Variants in TTC33 observed in about 807,000 individuals in gnomAD.
TTC33 encodes the protein tetratricopeptide repeat domain 33, also known as tetratricopeptide repeat protein 33.
In TTC33, 24 loss-of-function variants were observed where a neutral mutation model predicts 29.4. That is an observed-to-expected ratio of 0.82 (90% confidence interval 0.59 to 1.15). The LOEUF is 1.15. Among genes scored for constraint, TTC33 ranks in the 50% most tolerant of loss-of-function variants. The pLI, the probability that TTC33 is intolerant of heterozygous loss-of-function variation, is 0.00. For synonymous variants in TTC33, 107 were observed against 100.3 expected (o/e 1.07, Z -0.40); for missense variants, 286 against 310.4 (o/e 0.92, Z 0.59).
At chr5:40,721,287 T>G (rs950368953) in intron 4 of TTC33, among the ~76,000 whole-genome samples, 2 of 152,300 alleles carry the variant, frequency 1.3e-5, no homozygotes, top group Non-Finnish European at 2.9e-5. Context: ...GGGCACAAAG[T>G]AAATGGACAA....
At chr5:40,736,608 T>C (rs1453921824) in intron 2 of TTC33, among the ~76,000 whole-genome samples, 1 of 152,170 alleles carries the variant, frequency 6.6e-6, no homozygotes, top group African/African-American at 2.4e-5. Context: ...TACAAAAATA[T>C]ATATTACTAC....
chr5:40,754,342 TG>T (rs1742947500), intron 1 of TTC33, among the ~76,000 whole-genome samples: 1 of 152,104 alleles, frequency 6.6e-6, no homozygotes, highest in African/African-American at 2.4e-5. Flanking sequence ...GAGTTAATAT[TG>T]AGTGAAACAT....
chr5:40,721,692 C>G (rs1742139344), intron 4 of TTC33, among the ~76,000 whole-genome samples: 2 of 149,758 alleles, frequency 1.3e-5, no homozygotes, highest in Non-Finnish European at 3.0e-5. Flanking sequence ...AAAAACAAAA[C>G]AAAACAAAAC....
intron 4 of TTC33, 109 bp from the exon 5 acceptor site, chr5:40,716,607 A>T: frequency 1.4e-6 from 1 of 713,366 alleles, no homozygotes; most frequent in South Asian, 2.0e-5. Context: ...ATCCTAATGC[A>T]TTATCTTAAT....
At chr5:40,753,379 A>T (rs1181373839) in intron 1 of TTC33, among the ~76,000 whole-genome samples, 1 of 151,762 alleles carries the variant, frequency 6.6e-6, no homozygotes, top group East Asian at 1.9e-4. Flanking sequence ...AAAAAAAGAA[A>T]GAAAGAAAGA....
Position 40,712,216 on chromosome 5 carries a change from T to C in TTC33, c.*3929A>G, listed in dbSNP as rs972641899. ...ACCTTTTAAATATCCTGAACAAATG[T>C]TTACCTGTTGCCTTGTAATTAACAC... is the stretch of plus-strand genomic sequence containing the variant. On this transcript the variant is annotated 3_prime_UTR_variant, in exon 5 of 5. Transcript: ENST00000337702. 5.3e-5 allele frequency among the ~76,000 whole-genome samples: 8 copies of C among 152,102 alleles called. No individual in the cohort carries two copies. Among genetic ancestry groups the C allele is most frequent in the Non-Finnish European group, 8.8e-5 (6 of 68,016 alleles).
At chr5:40,720,419 T>C (rs1742100155) in intron 4 of TTC33, among the ~76,000 whole-genome samples, 1 of 152,196 alleles carries the variant, frequency 6.6e-6, no homozygotes, top group South Asian at 2.1e-4. Context: ...ATTATGCCTA[T>C]CTAAGTACTA....
rs1451165101 is a variant in TTC33 at position 40,714,103 on chromosome 5, GC to G, written c.*2041del. On this transcript the variant is annotated 3_prime_UTR_variant, in exon 5 of 5. Transcript: ENST00000337702. ...GGAAACACTAGGTTCTTATAACAGG[GC>G]CTAGTGGCCACATGCATTCCATCCT... Among the ~76,000 whole-genome samples the G allele has an allele frequency of 6.6e-6, 1 of 152,164 alleles. No homozygotes were observed. The highest frequency in any genetic ancestry group is 1.5e-5 in the Non-Finnish European group (1 of 68,024).
intron 2 of TTC33, among the ~76,000 whole-genome samples, chr5:40,740,098 T>C (rs932318908): frequency 6.6e-6 from 1 of 152,078 alleles, no homozygotes; most frequent in Non-Finnish European, 1.5e-5. Flanking sequence ...CTTCATGCTA[T>C]CTATTACAAT....
At chr5:40,727,805 A>G (rs1190522682) in intron 4 of TTC33, among the ~76,000 whole-genome samples, 1 of 152,158 alleles carries the variant, frequency 6.6e-6, no homozygotes, top group African/African-American at 2.4e-5. Context: ...TTTAATATCC[A>G]TGATGTCAAG....
chr5:40,736,163 T>C (rs553833196), intron 2 of TTC33, among the ~76,000 whole-genome samples: 2 of 152,302 alleles, frequency 1.3e-5, no homozygotes, highest in South Asian at 4.1e-4. Flanking sequence ...AATGGAATGA[T>C]GACAGATCAT....
At chr5:40,725,784 CTTT>C (rs35070396) in intron 4 of TTC33, among the ~76,000 whole-genome samples, 10 of 126,030 alleles carry the variant, frequency 7.9e-5, no homozygotes, top group Non-Finnish European at 1.0e-4. Context: ...TTCTCTTCAG[CTTT>C]TTTTTTTTTT....
chr5:40,730,190 T>A (rs1484102255), intron 3 of TTC33, 72 bp downstream of exon 3: 1 of 1,160,754 alleles, frequency 8.6e-7, no homozygotes, highest in Non-Finnish European at 1.2e-6. Flanking sequence ...CTATTTTGCT[T>A]CATCATTGCT....
intron 1 of TTC33, among the ~76,000 whole-genome samples, chr5:40,753,768 G>A (rs1033587778): frequency 3.9e-5 from 6 of 152,166 alleles, no homozygotes; most frequent in Admixed American, 6.5e-5. Flanking sequence ...TGATGACCAC[G>A]TTTTCCGGTT....
rs1253934523 is a variant in TTC33 at position 40,712,297 on chromosome 5, G to T, written c.*3848C>A. Among the ~76,000 whole-genome samples, 2 of 152,030 alleles carry T rather than the reference G, an allele frequency of 1.3e-5. No individual in the cohort carries two copies. Among genetic ancestry groups the T allele is most frequent in the African/African-American group, 4.8e-5 (2 of 41,388 alleles). On this transcript the variant is annotated 3_prime_UTR_variant, in exon 5 of 5. Coordinates refer to ENST00000337702, the MANE Select transcript of TTC33 (RefSeq NM_012382.3). The stretch of plus-strand genomic sequence containing the variant: ...AAAAAAAACCTCTAAAATTAGGAAA[G>T]AATTCCCACATGTGGTTTTTAATAT...
intron 3 of TTC33, among the ~76,000 whole-genome samples, chr5:40,729,156 A>G (rs1742364940): frequency 6.6e-6 from 1 of 152,192 alleles, no homozygotes; most frequent in Non-Finnish European, 1.5e-5. Flanking sequence ...GCTTGCCACA[A>G]ACCTGTCATT....
chr5:40,736,947 C>A (rs1472377759), intron 2 of TTC33, among the ~76,000 whole-genome samples: 1 of 152,072 alleles, frequency 6.6e-6, no homozygotes, highest in Non-Finnish European at 1.5e-5. Context: ...GAAGAGTAAA[C>A]CAGATTTTTG....
chr5:40,722,600 G>A (rs1021935053), intron 4 of TTC33, among the ~76,000 whole-genome samples: 50 of 151,058 alleles, frequency 3.3e-4, no homozygotes, highest in African/African-American at 1.0e-3. Flanking sequence ...CGGCCGCCCC[G>A]TCTGAGAAGT....
At chr5:40,753,589 G>C (rs1358002005) in intron 1 of TTC33, among the ~76,000 whole-genome samples, 1 of 152,106 alleles carries the variant, frequency 6.6e-6, no homozygotes, top group East Asian at 1.9e-4. Context: ...TATTGTAGGG[G>C]AAGATGGCTG....
Sources: allele counts gnomAD v4.1 joint callset (sites outside exome capture counted in the v4.1 genomes callset), GRCh38; gene constraint gnomAD v4.1.1; transcripts MANE v1.5; gene names NCBI Gene and HGNC (gene_info 2026-07-23, HGNC 2026-07-21).